Variants in CSMD1 observed in about 807,000 individuals in gnomAD.
CSMD1 encodes the protein CUB and sushi domain-containing protein 1.
In CSMD1, 213 loss-of-function variants were observed where a neutral mutation model predicts 417.5. The ratio of observed to expected loss-of-function variants is 0.51; its 90% confidence interval spans 0.46 to 0.57. The LOEUF (loss-of-function observed/expected upper bound fraction) is 0.57, where lower values mean the gene tolerates loss of function less well. Among genes scored for constraint, CSMD1 ranks in the 20% least tolerant of loss-of-function variants. The pLI is 0.00. For synonymous variants in CSMD1, 2,862 were observed against 1,736.8 expected, an observed-to-expected ratio of 1.65 and a Z score of -16.11; for missense variants, 6,923 against 4,529.7, an observed-to-expected ratio of 1.53 and a Z score of -15.17.
intron 11 of CSMD1, among the ~76,000 whole-genome samples, chr8:3,489,495 G>C (rs1415553691): frequency 2.0e-5 from 3 of 152,194 alleles, no homozygotes; most frequent in Non-Finnish European, 4.4e-5. Flanking sequence ...TCTCCATGCA[G>C]TTCCTCCACA....
chr8:4,484,055 C>A (rs759752248), intron 2 of CSMD1, among the ~76,000 whole-genome samples: 4 of 152,038 alleles, frequency 2.6e-5, no homozygotes, highest in Non-Finnish European at 4.4e-5. Flanking sequence ...GTCTGCCAAG[C>A]AATACCTCAG....
At chr8:4,366,362 A>C (rs1273041815) in intron 3 of CSMD1, among the ~76,000 whole-genome samples, 5 of 151,826 alleles carry the variant, frequency 3.3e-5, no homozygotes, top group East Asian at 1.9e-4. Context: ...CCACGTGTTT[A>C]CCATTGAGAA....
At chr8:4,773,964 G>A (rs28701574) in intron 1 of CSMD1, among the ~76,000 whole-genome samples, 1 of 152,086 alleles carries the variant, frequency 6.6e-6, no homozygotes, top group Non-Finnish European at 1.5e-5. Flanking sequence ...TTGAGGCAGA[G>A]GTGGGTGGAT....
intron 21 of CSMD1, among the ~76,000 whole-genome samples, chr8:3,352,488 AT>A: frequency 6.6e-6 from 1 of 152,260 alleles, no homozygotes; most frequent in East Asian, 1.9e-4. Flanking sequence ...GGGTACAGGA[AT>A]TTATCTAATT....
chr8:3,525,421 T>C (rs563951551), intron 10 of CSMD1, among the ~76,000 whole-genome samples: 2 of 152,264 alleles, frequency 1.3e-5, no homozygotes, highest in South Asian at 2.1e-4. Context: ...TCCCAGGTAC[T>C]GAGTTCACAA....
At chr8:3,866,348 T>A (rs1396216628) in intron 5 of CSMD1, among the ~76,000 whole-genome samples, 1 of 152,200 alleles carries the variant, frequency 6.6e-6, no homozygotes, top group African/African-American at 2.4e-5. Context: ...TTTCTGTCCT[T>A]TTACTGGAAT....
intron 3 of CSMD1, among the ~76,000 whole-genome samples, chr8:4,083,184 T>G (rs2552148): frequency 1.0e-3 from 158 of 151,950 alleles, no homozygotes; most frequent in African/African-American, 3.6e-3. Flanking sequence ...CCTGAGGAAT[T>G]GCCACACTGA....
intron 23 of CSMD1, among the ~76,000 whole-genome samples, chr8:3,322,682 T>C (rs1390201166): frequency 6.6e-6 from 1 of 152,090 alleles, no homozygotes; most frequent in East Asian, 1.9e-4. Flanking sequence ...ATTATGGAGG[T>C]GTCAGACTTC....
chr8:4,442,093 C>T (rs150261814), intron 2 of CSMD1, among the ~76,000 whole-genome samples: 1 of 152,084 alleles, frequency 6.6e-6, no homozygotes, highest in African/African-American at 2.4e-5. Context: ...TGTAGAAACA[C>T]GTGACGAAAT....
At chr8:3,994,445 C>CATA (rs1369497814) in intron 5 of CSMD1, among the ~76,000 whole-genome samples, 1 of 63,816 alleles carries the variant, frequency 1.6e-5, no homozygotes, top group Non-Finnish European at 3.3e-5. Flanking sequence ...CAAATCTCTT[C>CATA]AGAAAAAAAA....
intron 12 of CSMD1, among the ~76,000 whole-genome samples, chr8:3,427,227 G>C (rs906078346): frequency 6.6e-6 from 1 of 152,096 alleles, no homozygotes; most frequent in African/African-American, 2.4e-5. Context: ...ACAAGAACTG[G>C]TCAGATTTTA....
intron 3 of CSMD1, among the ~76,000 whole-genome samples, chr8:4,213,250 T>C (rs1211893290): frequency 6.6e-6 from 1 of 152,208 alleles, no homozygotes; most frequent in Non-Finnish European, 1.5e-5. Context: ...GGCTCCATTC[T>C]GTCAGCAAGT....
chr8:4,395,393 C>T (rs777106981), intron 3 of CSMD1, among the ~76,000 whole-genome samples: 7 of 152,038 alleles, frequency 4.6e-5, no homozygotes, highest in Non-Finnish European at 8.8e-5. Flanking sequence ...TCCAGCTAGC[C>T]AGGCTCCAGA....
At chr8:3,854,929 G>A (rs1330230938) in intron 5 of CSMD1, among the ~76,000 whole-genome samples, 2 of 152,052 alleles carry the variant, frequency 1.3e-5, no homozygotes, top group African/African-American at 4.8e-5. Flanking sequence ...ATGTAACAAT[G>A]TTGAGAACGT....
intron 7 of CSMD1, among the ~76,000 whole-genome samples, chr8:3,685,716 A>G (rs1320570757): frequency 2.2e-5 from 3 of 135,170 alleles, no homozygotes; most frequent in Admixed American, 1.7e-4. Flanking sequence ...TAAGATCAGA[A>G]GGGTCAATTT....
chr8:4,221,690 C>T (rs1336609198), intron 3 of CSMD1, among the ~76,000 whole-genome samples: 1 of 152,158 alleles, frequency 6.6e-6, no homozygotes, highest in Non-Finnish European at 1.5e-5. Context: ...TCCCACATTC[C>T]AGCAATAGAC....
chr8:3,760,670 C>T (rs184194215), intron 5 of CSMD1, among the ~76,000 whole-genome samples: 149 of 152,290 alleles, frequency 9.8e-4, no homozygotes, highest in Non-Finnish European at 8.8e-5. Context: ...TTCTAAAATG[C>T]ATTTGGAAAT....
chr8:3,106,412 AAAT>A, intron 46 of CSMD1, 113 bp downstream of exon 46: 1 of 621,826 alleles, frequency 1.6e-6, no homozygotes, highest in Non-Finnish European at 2.7e-6. Context: ...ATAAATAAAT[AAAT>A]AATAAACAAA....
chr8:3,789,688 TTTAG>T (rs967110831), intron 5 of CSMD1, among the ~76,000 whole-genome samples: 2 of 151,796 alleles, frequency 1.3e-5, no homozygotes, highest in Admixed American at 1.3e-4. Flanking sequence ...ACCTTGTTTA[TTTAG>T]TATTTATCAT....
Sources: gnomAD v4.1 joint callset for allele counts (sites outside exome capture counted in the v4.1 genomes callset) on GRCh38, gnomAD v4.1.1 for gene constraint, MANE v1.5 for transcripts, NCBI Gene and HGNC (gene_info 2026-07-23, HGNC 2026-07-21) for gene names.